ASAP2: variants seen among roughly 807,000 people sequenced by gnomAD.
ASAP2 encodes the protein ArfGAP with SH3 domain, ankyrin repeat and PH domain 2, also known as arf-GAP with SH3 domain, ANK repeat and PH domain-containing protein 2.
ASAP2 carries 45 observed loss-of-function variants against 131.4 expected under a neutral mutation model. That is an observed-to-expected ratio of 0.34 (90% CI 0.27 to 0.44). The LOEUF (loss-of-function observed/expected upper bound fraction) is 0.44, where lower values mean the gene tolerates loss of function less well. Ranked by LOEUF, ASAP2 falls within the 20% of genes least tolerant of loss-of-function variation. The probability of loss-of-function intolerance (pLI) is 1.00; values close to 1 mark genes in which losing one functional copy is unlikely to be tolerated. For missense variants in ASAP2, 1,011 were observed against 1,297.0 expected (o/e 0.78, Z 3.39); for synonymous variants, 510 against 503.0 (o/e 1.01, Z -0.19).
chr2:9,259,962 G>A (rs1665462026), intron 1 of ASAP2, among the ~76,000 whole-genome samples: 3 of 152,134 alleles, frequency 2.0e-5, no homozygotes, highest in Non-Finnish European at 4.4e-5. Context: ...TCCAGTGTCT[G>A]CGCATCGCCC....
chr2:9,400,758 G>A lies in ASAP2; in HGVS notation c.2751G>A (p.Thr917=), dbSNP rs377706530. The change falls in exon 26 of 28, where the codon ACG becomes ACA. Residue 917 remains threonine, a synonymous_variant. Transcript: ENST00000281419. Reference sequence around the variant, plus strand: ...GCCCTACAGTGGATCTCTCTGCAACGGAAGCTCTGGGTCCTCTGTCCAATG... The same window carrying A: ...GCCCTACAGTGGATCTCTCTGCAACAGAAGCTCTGGGTCCTCTGTCCAATG... ...QPRGPVDLSA[T]EALGPLSNAM... is the part of the protein sequence containing the mutation. The A allele has an allele frequency of 4.9e-5, 79 of 1,613,572 alleles. No homozygotes were observed. Among genetic ancestry groups the A allele is most frequent in the East Asian group, 3.8e-4 (17 of 44,882 alleles).
At position 9,217,645 on chromosome 2, in the gene ASAP2, C is replaced by T. The variant is rs1406139489; in HGVS notation, c.126+10415C>T. 1.3e-5 allele frequency among the ~76,000 whole-genome samples: 2 copies of T among 149,292 alleles called. No homozygotes were observed. The highest frequency in any genetic ancestry group is 2.5e-5 in the African/African-American group (1 of 40,254). Reference sequence around the variant, plus strand: ...GTTTTTTTTTTTGAGACGGAGTCTTCGCTCTGCCACCCAGGCTGGAGTGCG... The same window carrying T: ...GTTTTTTTTTTTGAGACGGAGTCTTTGCTCTGCCACCCAGGCTGGAGTGCG... On this transcript the variant is annotated intron_variant, in intron 1 of 27. Coordinates refer to ENST00000281419, the MANE Select transcript of ASAP2 (RefSeq NM_003887.3). This position sits in a 1 kb window ranked among gnomAD's most constrained non-coding sequence, Gnocchi z 4.0.
At chr2:9,233,922 C>T (rs1663352404) in intron 1 of ASAP2, among the ~76,000 whole-genome samples, 1 of 151,932 alleles carries the variant, frequency 6.6e-6, no homozygotes. Flanking sequence ...ACCAGCTTGG[C>T]CAACACGGTG....
At chr2:9,262,487 A>G (rs1665645437) in intron 1 of ASAP2, among the ~76,000 whole-genome samples, 1 of 152,198 alleles carries the variant, frequency 6.6e-6, no homozygotes, top group Non-Finnish European at 1.5e-5. Context: ...TTATAGATGA[A>G]GAAACAGAAG....
intron 1 of ASAP2, among the ~76,000 whole-genome samples, chr2:9,246,988 T>C (rs970162137): frequency 6.6e-6 from 1 of 152,136 alleles, no homozygotes; most frequent in African/African-American, 2.4e-5. Flanking sequence ...CCACGGTATA[T>C]ACTACCACAC....
chr2:9,358,694 A>G lies in ASAP2; in HGVS notation c.1328-62A>G, dbSNP rs1050893303. On this transcript the variant is annotated intron_variant, in intron 14 of 27. Coordinates refer to ENST00000281419, the MANE Select transcript of ASAP2 (RefSeq NM_003887.3). ...TTGTTCAGTAACTATGCAGGAAGAA[A>G]GATGTGACTCCTGACCCTCTTTTTT... 3.6e-5 allele frequency: 56 copies of G among 1,561,658 alleles called. No homozygotes were observed. The Admixed American group carries it at 1.0e-3, about 28-fold the overall frequency.
chr2:9,402,576 C>T (rs1676827717), intron 27 of ASAP2, among the ~76,000 whole-genome samples: 1 of 152,212 alleles, frequency 6.6e-6, no homozygotes, highest in Non-Finnish European at 1.5e-5. Flanking sequence ...GCCAACCTGA[C>T]CACAGGCTTA....
At chr2:9,230,264 G>A (rs1485931711) in intron 1 of ASAP2, among the ~76,000 whole-genome samples, 13 of 152,204 alleles carry the variant, frequency 8.5e-5, no homozygotes. Flanking sequence ...ACCTTCAGGA[G>A]TGAACAGGGC....
At chr2:9,367,364 C>T (rs1673561302) in intron 15 of ASAP2, among the ~76,000 whole-genome samples, 1 of 152,122 alleles carries the variant, frequency 6.6e-6, no homozygotes, top group Non-Finnish European at 1.5e-5. Context: ...GCAGAAATAT[C>T]ACAAGCGTCA....
At chr2:9,283,551 G>C (rs1223898310) in intron 2 of ASAP2, among the ~76,000 whole-genome samples, 1 of 152,182 alleles carries the variant, frequency 6.6e-6, no homozygotes, top group Non-Finnish European at 1.5e-5. Flanking sequence ...TTAGCTCACG[G>C]CTCCCTTCCA....
chr2:9,240,437 G>A (rs754123407), intron 1 of ASAP2, among the ~76,000 whole-genome samples: 19 of 151,506 alleles, frequency 1.3e-4, no homozygotes, highest in Non-Finnish European at 2.4e-4. Flanking sequence ...GTAGAGATGG[G>A]GTTTCTCCAT....
chr2:9,399,705 A>G, intron 24 of ASAP2: 1 of 407,814 alleles, frequency 2.5e-6, no homozygotes, highest in African/African-American at 2.0e-5. Flanking sequence ...AAGGCAGGGA[A>G]GGGGCTGAGC....
chr2:9,331,473 A>G (rs887750415), intron 7 of ASAP2, among the ~76,000 whole-genome samples: 1 of 152,194 alleles, frequency 6.6e-6, no homozygotes, highest in East Asian at 1.9e-4. Flanking sequence ...TAAAATAAAG[A>G]CAGCCATGGT....
intron 1 of ASAP2, chr2:9,271,635 C>G (rs1228718846): frequency 2.3e-5 from 21 of 932,834 alleles, no homozygotes; most frequent in Non-Finnish European, 3.3e-5. Flanking sequence ...ACATACGATC[C>G]AATTTCTTTT....
chr2:9,229,149 G>GCC (rs56706792), intron 1 of ASAP2, among the ~76,000 whole-genome samples: 8 of 151,412 alleles, frequency 5.3e-5, no homozygotes, highest in African/African-American at 1.9e-4. Context: ...CAGATGTGGA[G>GCC]CCCCCCCCGC....
Position 9,207,490 on chromosome 2 carries a change from C to T in ASAP2, c.126+260C>T, listed in dbSNP as rs536310045. ...GGGGTTCCGCGGCCTGGTCTTTTCC[C>T]CGCAGCGCGGCCAACTTTGTCCAGA... On this transcript the variant is annotated intron_variant, in intron 1 of 27. Transcript: ENST00000281419. The surrounding 1 kb of genome is among the most constrained non-coding windows in gnomAD (Gnocchi z 4.1). Among the ~76,000 whole-genome samples, 3 of 152,124 alleles carry T rather than the reference C, an allele frequency of 2.0e-5. No individual in the cohort carries two copies. The highest frequency in any genetic ancestry group is 2.0e-4 in the Admixed American group (3 of 15,296).
At position 9,268,990 on chromosome 2, in the gene ASAP2, G is replaced by A. The variant is rs911773112; in HGVS notation, c.127-10327G>A. On this transcript the variant is annotated intron_variant, in intron 1 of 27. Transcript: ENST00000281419. This position sits in a 1 kb window ranked among gnomAD's most constrained non-coding sequence, Gnocchi z 4.1. ...CCCTGTCAGGGCTGGGAGGAGTGGG[G>A]TGCAGGGGCCGCTGGTGCTGTGGGA... Among the ~76,000 whole-genome samples the A allele has an allele frequency of 1.3e-5, 2 of 152,104 alleles. No individual in the cohort carries two copies. The highest frequency in any genetic ancestry group is 2.9e-5 in the Non-Finnish European group (2 of 68,020).
chr2:9,234,453 G>A (rs148056019), intron 1 of ASAP2, among the ~76,000 whole-genome samples: 46 of 152,270 alleles, frequency 3.0e-4, no homozygotes, highest in African/African-American at 6.5e-4. Context: ...AGGTAATGGC[G>A]GCGCGTGGCC....
At chr2:9,310,540 G>C (rs1343903254) in intron 3 of ASAP2, among the ~76,000 whole-genome samples, 4 of 152,158 alleles carry the variant, frequency 2.6e-5, no homozygotes, top group Non-Finnish European at 5.9e-5. Context: ...CTAGCTTCAG[G>C]CTTCTAGATG....
Sources: gnomAD v4.1 joint callset for allele counts (sites outside exome capture counted in the v4.1 genomes callset) on GRCh38, gnomAD v4.1.1 for gene constraint, Gnocchi (gnomAD v3.1) non-coding constraint, MANE v1.5 for transcripts, NCBI Gene and HGNC (gene_info 2026-07-23, HGNC 2026-07-21) for gene names.